Variants in CFAP299 observed in about 807,000 individuals in gnomAD.
The protein encoded by CFAP299 is cilia- and flagella-associated protein 299.
In CFAP299, 21 loss-of-function variants were observed where a neutral mutation model predicts 27.0. The ratio of observed to expected loss-of-function variants is 0.78; its 90% confidence interval spans 0.55 to 1.12. The LOEUF (loss-of-function observed/expected upper bound fraction) is 1.12, where lower values mean the gene tolerates loss of function less well. Ranked by LOEUF, CFAP299 falls within the 50% of genes most tolerant of loss-of-function variation. The pLI is 0.00. For missense variants in CFAP299, 310 were observed against 276.6 expected (o/e 1.12, Z -0.86); for synonymous variants, 104 against 98.1 (o/e 1.06, Z -0.36).
intron 3 of CFAP299, among the ~76,000 whole-genome samples, chr4:80,808,308 A>C (rs976452441): frequency 7.0e-4 from 106 of 152,278 alleles, no homozygotes; most frequent in African/African-American, 2.3e-3. Context: ...ATCTGCCTTC[A>C]TAACATGCTG....
At chr4:80,882,474 T>C (rs1733752424) in intron 4 of CFAP299, among the ~76,000 whole-genome samples, 2 of 151,852 alleles carry the variant, frequency 1.3e-5, no homozygotes, top group South Asian at 4.2e-4. Flanking sequence ...CCGTCTCTAC[T>C]AAAAGTACAA....
chr4:80,590,381 GT>G (rs1375545154), intron 3 of CFAP299, among the ~76,000 whole-genome samples: 1 of 152,150 alleles, frequency 6.6e-6, no homozygotes, highest in East Asian at 1.9e-4. Flanking sequence ...GCTCATGCCT[GT>G]AATACTAGCA....
intron 4 of CFAP299, among the ~76,000 whole-genome samples, chr4:80,888,803 T>G (rs1470536149): frequency 1.3e-5 from 2 of 151,394 alleles, no homozygotes; most frequent in Non-Finnish European, 3.0e-5. Context: ...AAACTAGAAA[T>G]CAATAACAAG....
At chr4:80,422,967 AC>A (rs1727358682) in intron 2 of CFAP299, among the ~76,000 whole-genome samples, 1 of 152,226 alleles carries the variant, frequency 6.6e-6, no homozygotes, top group Admixed American at 6.5e-5. Context: ...CTACAAACCT[AC>A]ACAGCATGTT....
chr4:80,618,763 A>G (rs969295690), intron 3 of CFAP299, among the ~76,000 whole-genome samples: 2 of 152,064 alleles, frequency 1.3e-5, no homozygotes, highest in African/African-American at 4.8e-5. Context: ...TTCCCAGTCC[A>G]ATTGAGGATA....
chr4:80,429,494 C>A (rs1239035942), intron 2 of CFAP299, among the ~76,000 whole-genome samples: 2 of 152,078 alleles, frequency 1.3e-5, no homozygotes, highest in African/African-American at 4.8e-5. Flanking sequence ...CAACATTCCA[C>A]ACTTGTTAAT....
intron 2 of CFAP299, among the ~76,000 whole-genome samples, chr4:80,376,109 G>C (rs901734441): frequency 3.4e-4 from 52 of 152,052 alleles, no homozygotes; most frequent in African/African-American, 1.1e-3. Flanking sequence ...TGACAAACCA[G>C]CCATATGATT....
At chr4:80,568,335 A>G (rs1735414013) in intron 2 of CFAP299, among the ~76,000 whole-genome samples, 1 of 152,044 alleles carries the variant, frequency 6.6e-6, no homozygotes, top group Non-Finnish European at 1.5e-5. Context: ...TTGCAAAACT[A>G]TGTATCATGT....
At chr4:80,520,767 A>G (rs1345257474) in intron 2 of CFAP299, among the ~76,000 whole-genome samples, 2 of 152,248 alleles carry the variant, frequency 1.3e-5, no homozygotes, top group Admixed American at 6.5e-5. Context: ...AACTATAGCT[A>G]TATTTATGCA....
chr4:80,388,135 G>T (rs575998752), intron 2 of CFAP299: 5 of 675,546 alleles, frequency 7.4e-6, no homozygotes, highest in South Asian at 4.9e-5. Context: ...GCCCAGGGGG[G>T]CCCAGGCTGT....
intron 3 of CFAP299, among the ~76,000 whole-genome samples, chr4:80,615,736 T>C (rs1738238861): frequency 6.6e-6 from 1 of 152,162 alleles, no homozygotes; most frequent in South Asian, 2.1e-4. Context: ...GCAAGATAGT[T>C]AAGAAGTAAT....
chr4:80,950,256 C>T (rs538509600), intron 5 of CFAP299, among the ~76,000 whole-genome samples: 5 of 151,572 alleles, frequency 3.3e-5, no homozygotes, highest in East Asian at 2.0e-4. Context: ...TCCCTCCACC[C>T]CCCCCCTTTC....
At chr4:80,793,536 C>A (rs1323556750) in intron 3 of CFAP299, among the ~76,000 whole-genome samples, 1 of 152,040 alleles carries the variant, frequency 6.6e-6, no homozygotes, top group Non-Finnish European at 1.5e-5. Context: ...TGTCAATTTG[C>A]CCCATACACA....
chr4:80,683,490 T>C (rs770257482), intron 3 of CFAP299, among the ~76,000 whole-genome samples: 11 of 152,206 alleles, frequency 7.2e-5, no homozygotes, highest in African/African-American at 2.7e-4. Flanking sequence ...CTTACAAGTA[T>C]ACCTGGAAAA....
chr4:80,396,959 C>A (rs1725832202), intron 2 of CFAP299, among the ~76,000 whole-genome samples: 2 of 152,100 alleles, frequency 1.3e-5, no homozygotes, highest in South Asian at 4.1e-4. Context: ...GGAATGATAC[C>A]AGCTCCTCCT....
In CFAP299 at chr4:80,390,750, T is replaced by TGTATATAC. The variant is rs1560543591; in HGVS notation, c.242+27866_242+27867insGTATATAC. 5.1e-5 allele frequency among the ~76,000 whole-genome samples: 6 copies of TGTATATAC among 117,392 alleles called. 1 individual carries two copies. The highest frequency in any genetic ancestry group is 1.6e-4 in the African/African-American group (6 of 36,910). 77.0% of individuals were successfully genotyped at this position (117,392 alleles called of 152,430 possible). On this transcript the variant is annotated intron_variant, in intron 2 of 5. Coordinates refer to ENST00000358105, the MANE Select transcript of CFAP299 (RefSeq NM_152770.3). ...ATGTATATATGTATATATGTATATA[T>TGTATATAC]ACACACATATGTATATATGTATATA...
At chr4:80,339,340 G>T (rs1177007550) in intron 1 of CFAP299, among the ~76,000 whole-genome samples, 1 of 152,070 alleles carries the variant, frequency 6.6e-6, no homozygotes, top group Non-Finnish European at 1.5e-5. Flanking sequence ...TCGTGAGTTT[G>T]CCAACAATTT....
At chr4:80,547,762 C>A (rs932699241) in intron 2 of CFAP299, among the ~76,000 whole-genome samples, 1 of 152,036 alleles carries the variant, frequency 6.6e-6, no homozygotes, top group Non-Finnish European at 1.5e-5. Flanking sequence ...AAACCGCTAA[C>A]AAATACATGA....
At chr4:80,799,915 A>C (rs1312488474) in intron 3 of CFAP299, among the ~76,000 whole-genome samples, 1 of 43,000 alleles carries the variant, frequency 2.3e-5, no homozygotes, top group Non-Finnish European at 3.8e-5. Flanking sequence ...AATATAATAT[A>C]TAATATATAT....
Sources: allele counts gnomAD v4.1 joint callset (sites outside exome capture counted in the v4.1 genomes callset), GRCh38; gene constraint gnomAD v4.1.1; transcripts MANE v1.5; gene names NCBI Gene and HGNC (gene_info 2026-07-23, HGNC 2026-07-21).